Variants in ARHGAP24 observed in about 807,000 individuals in gnomAD.
ARHGAP24 encodes Rho GTPase activating protein 24.
ARHGAP24 carries 50 observed loss-of-function variants against 76.4 expected under a neutral mutation model. The ratio of observed to expected loss-of-function variants is 0.65; its 90% CI spans 0.52 to 0.83. The LOEUF is 0.83. ARHGAP24 is among the 40% of genes least tolerant of loss of function. The pLI is 0.00. For missense variants in ARHGAP24, 930 were observed against 914.2 expected (o/e 1.02, Z -0.22); for synonymous variants, 345 against 323.3 (o/e 1.07, Z -0.72).
chr4:85,507,232 T>A (rs781754019), intron 1 of ARHGAP24, among the ~76,000 whole-genome samples: 118 of 151,948 alleles, frequency 7.8e-4, no homozygotes, highest in Admixed American at 2.3e-3. Flanking sequence ...TATTATTATT[T>A]TTTTTTAGAG....
intron 7 of ARHGAP24, chr4:85,975,697 GT>G (rs1306915262): frequency 1.3e-5 from 2 of 152,246 alleles, no homozygotes; most frequent in African/African-American, 4.8e-5. Context: ...GGCACTACAA[GT>G]CACTGCAGGG....
At chr4:85,845,864 A>G (rs1730853392) in intron 3 of ARHGAP24, among the ~76,000 whole-genome samples, 1 of 152,192 alleles carries the variant, frequency 6.6e-6, no homozygotes, top group Admixed American at 6.5e-5. Context: ...TATTTAGCTA[A>G]GAGGTTGTTT....
At chr4:85,719,577 A>G (rs1724853833) in intron 2 of ARHGAP24, among the ~76,000 whole-genome samples, 1 of 152,228 alleles carries the variant, frequency 6.6e-6, no homozygotes, top group Admixed American at 6.5e-5. Context: ...TGGACAATAT[A>G]ATACAGTGGA....
At chr4:85,632,790 G>A (rs374213489) in intron 2 of ARHGAP24, among the ~76,000 whole-genome samples, 3 of 151,942 alleles carry the variant, frequency 2.0e-5, no homozygotes, top group Non-Finnish European at 4.4e-5. Flanking sequence ...ACACATAAAG[G>A]TGTCATTTAT....
chr4:85,665,862 G>A (rs1383735801), intron 2 of ARHGAP24, among the ~76,000 whole-genome samples: 2 of 152,176 alleles, frequency 1.3e-5, no homozygotes, highest in African/African-American at 4.8e-5. Context: ...CTTCTGGCTT[G>A]TAGGGTTTCT....
At chr4:85,722,283 A>G in intron 3 of ARHGAP24, 1 of 307,084 alleles carries the variant, frequency 3.3e-6, no homozygotes, top group African/African-American at 2.2e-5. Context: ...CGCTCTTGTG[A>G]TGTGAAATTT....
intron 3 of ARHGAP24, among the ~76,000 whole-genome samples, chr4:85,867,061 T>G (rs1732239358): frequency 6.6e-6 from 1 of 152,070 alleles, no homozygotes; most frequent in Admixed American, 6.6e-5. Flanking sequence ...GAAAACATCC[T>G]TAAATCTGGA....
intron 2 of ARHGAP24, among the ~76,000 whole-genome samples, chr4:85,602,087 C>A (rs547809883): frequency 1.2e-4 from 18 of 152,120 alleles, no homozygotes; most frequent in African/African-American, 4.3e-4. Context: ...AGACTTTCTG[C>A]GTGATAGAGC....
At chr4:85,968,973 A>G (rs1021521552) in intron 5 of ARHGAP24, among the ~76,000 whole-genome samples, 4 of 152,164 alleles carry the variant, frequency 2.6e-5, no homozygotes, top group Non-Finnish European at 4.4e-5. Flanking sequence ...GAAAGCTCTT[A>G]TAATGTATCA....
chr4:85,847,168 A>G (rs1730939835), intron 3 of ARHGAP24, among the ~76,000 whole-genome samples: 1 of 152,202 alleles, frequency 6.6e-6, no homozygotes, highest in East Asian at 1.9e-4. Context: ...CATTGACTTG[A>G]TGATCTGCAA....
chr4:85,944,159 G>A (rs572392248), intron 5 of ARHGAP24, among the ~76,000 whole-genome samples: 1 of 152,212 alleles, frequency 6.6e-6, no homozygotes, highest in South Asian at 2.1e-4. Flanking sequence ...ATTCTAACTG[G>A]CGTGAGATGG....
chr4:85,503,254 C>G (rs1051873941), intron 1 of ARHGAP24, among the ~76,000 whole-genome samples: 2 of 152,152 alleles, frequency 1.3e-5, no homozygotes, highest in Non-Finnish European at 2.9e-5. Context: ...GGAGGATTCC[C>G]TCTTTTTCTA....
At chr4:85,794,723 T>G (rs1578235292) in intron 3 of ARHGAP24, among the ~76,000 whole-genome samples, 1 of 152,352 alleles carries the variant, frequency 6.6e-6, no homozygotes, top group Middle Eastern at 3.4e-3. Flanking sequence ...CCTCGTGATC[T>G]GCCCACCTCT....
intron 3 of ARHGAP24, among the ~76,000 whole-genome samples, chr4:85,731,849 A>T (rs1725424011): frequency 6.6e-6 from 1 of 152,218 alleles, no homozygotes. Context: ...AACATCACTA[A>T]GTACCCCATA....
chr4:85,731,864 T>G (rs1725424359), intron 3 of ARHGAP24, among the ~76,000 whole-genome samples: 2 of 152,214 alleles, frequency 1.3e-5, no homozygotes, highest in African/African-American at 4.8e-5. Flanking sequence ...CCCATAAATA[T>G]GTACAATTAT....
At chr4:85,616,016 T>C (rs977565590) in intron 2 of ARHGAP24, among the ~76,000 whole-genome samples, 1 of 152,248 alleles carries the variant, frequency 6.6e-6, no homozygotes, top group Non-Finnish European at 1.5e-5. Flanking sequence ...TCTCTGATGC[T>C]GGAAGATGGC....
intron 3 of ARHGAP24, among the ~76,000 whole-genome samples, chr4:85,914,130 A>G (rs1735234076): frequency 6.6e-6 from 1 of 152,248 alleles, no homozygotes; most frequent in Non-Finnish European, 1.5e-5. Context: ...TTAATCATTT[A>G]CAATGCAAAT....
intron 1 of ARHGAP24, among the ~76,000 whole-genome samples, chr4:85,499,064 G>C (rs1210459132): frequency 6.6e-6 from 1 of 152,066 alleles, no homozygotes; most frequent in African/African-American, 2.4e-5. Context: ...TAATCAGCTT[G>C]TTGTTGTTTG....
chr4:85,706,238 T>A, intron 2 of ARHGAP24, among the ~76,000 whole-genome samples: 1 of 152,146 alleles, frequency 6.6e-6, no homozygotes, highest in Non-Finnish European at 1.5e-5. Flanking sequence ...GGACCTCCAA[T>A]CTGTTAAATG....
Sources: allele counts gnomAD v4.1 joint callset (sites outside exome capture counted in the v4.1 genomes callset), GRCh38; gene constraint gnomAD v4.1.1; transcripts MANE v1.5; gene names NCBI Gene and HGNC (gene_info 2026-07-23, HGNC 2026-07-21).